Variants in HSPA4L observed in about 807,000 individuals in gnomAD.
HSPA4L encodes the protein heat shock protein family A (Hsp70) member 4 like.
Under a neutral mutation model 100.3 loss-of-function variants are expected in HSPA4L, and 48 were observed. That is an observed-to-expected ratio of 0.48 (90% confidence interval 0.38 to 0.61). HSPA4L has a LOEUF of 0.61. HSPA4L is among the 20% of genes least tolerant of loss of function. HSPA4L has a pLI of 0.00. For missense variants in HSPA4L, 886 were observed against 988.6 expected, an observed-to-expected ratio of 0.90 and a Z score of 1.39; for synonymous variants, 319 against 328.2, an observed-to-expected ratio of 0.97 and a Z score of 0.30.
Position 127,822,838 on chromosome 4 carries a change from G to A in HSPA4L, c.1882G>A (p.Val628Ile), listed in dbSNP as rs1397666283. 2 of 1,613,508 alleles carry A rather than the reference G, an allele frequency of 1.2e-6. No individual in the cohort carries two copies. Among genetic ancestry groups the A allele is most frequent in the East Asian group, 2.2e-5 (1 of 44,816 alleles). The change falls in exon 15 of 19, where the codon GTA becomes ATA. Residue 628 changes from valine to isoleucine, a missense_variant. Val to Ile is a conservative substitution (Grantham distance 29). Coordinates refer to ENST00000296464, the MANE Select transcript of HSPA4L (RefSeq NM_014278.4). The stretch of plus-strand genomic sequence containing the variant: ...TGCTAAGAATGCCGTTGAAGAATAT[G>A]TATATGATTTTAGAGACAGGCTGGG... ...NDAKNAVEEY[V>I]YDFRDRLGTV... is the part of the protein sequence containing the mutation.
chr4:127,802,789 G>A lies in HSPA4L; in HGVS notation c.664-840G>A, dbSNP rs532455231. 8.9e-4 allele frequency among the ~76,000 whole-genome samples: 136 copies of A among 152,114 alleles called. 1 individual carries two copies. Among genetic ancestry groups the A allele is most frequent in the African/African-American group, 3.0e-3 (124 of 41,490 alleles). ...TGGGTAATACTAGACTTCATGAGAG[G>A]TCTATACATGGATTCTCCATGCTAG... is the stretch of plus-strand genomic sequence containing the variant. On this transcript the variant is annotated intron_variant, in intron 6 of 18. Coordinates refer to ENST00000296464, the MANE Select transcript of HSPA4L (RefSeq NM_014278.4).
intron 16 of HSPA4L, 110 bp downstream of exon 16, chr4:127,823,734 A>C (rs1733874261): frequency 1.6e-6 from 1 of 635,826 alleles, no homozygotes; most frequent in East Asian, 2.8e-5. Flanking sequence ...AATTGAGAGG[A>C]AAATTGTATA....
chr4:127,808,842 G>A (rs766692919), intron 11 of HSPA4L, among the ~76,000 whole-genome samples: 3 of 152,100 alleles, frequency 2.0e-5, no homozygotes, highest in South Asian at 2.1e-4. Context: ...AGAATTGCTC[G>A]AACCCAGGAG....
chr4:127,783,421 G>T, intron 1 of HSPA4L: 2 of 1,174,350 alleles, frequency 1.7e-6, no homozygotes, highest in African/African-American at 1.6e-5. Context: ...CGGAGTCGGG[G>T]GCAGCTGTCC....
In HSPA4L at chr4:127,783,722, A is replaced by G. The variant is rs1578683518; in HGVS notation, c.107+1065A>G. 8.1e-6 allele frequency: 12 copies of G among 1,482,270 alleles called. No homozygotes were observed. The East Asian group carries it at 2.5e-4, about 30-fold the overall frequency. The allele number at this position is 1,482,270 out of a possible 1,614,324, so 91.8% of individuals were successfully genotyped here. A position where few individuals can be genotyped will look rare whatever the true frequency, so the allele number is the denominator to read the frequency against. On this transcript the variant is annotated intron_variant, in intron 1 of 18. Transcript: ENST00000296464. ...ATTTGACCGTTCTGAATGGTCCAAA[A>G]TATAATACCTTAACTATACTAAAAC... is the stretch of plus-strand genomic sequence containing the variant.
chr4:127,814,651 T>C (rs1202641944), intron 12 of HSPA4L, among the ~76,000 whole-genome samples: 1 of 152,074 alleles, frequency 6.6e-6, no homozygotes, highest in Admixed American at 6.6e-5. Context: ...CGTTGCAACC[T>C]CCACCTCCCA....
Position 127,834,219 on chromosome 4 carries a change from A to T in HSPA4L, c.*1345A>T, listed in dbSNP as rs955800290. ...AAGAGACAGAAGCATAGACAAGTAT[A>T]TGAGCCCTTATGTCCTTAATGCCAA... On this transcript the variant is annotated 3_prime_UTR_variant, in exon 19 of 19. Coordinates refer to ENST00000296464, the MANE Select transcript of HSPA4L (RefSeq NM_014278.4). 2.0e-5 allele frequency: 3 copies of T among 152,190 alleles called. No homozygotes were observed. The highest frequency in any genetic ancestry group is 7.2e-5 in the African/African-American group (3 of 41,482). 9.4% of individuals were successfully genotyped at this position (152,190 alleles called of 1,614,324 possible). A position where few individuals can be genotyped will look rare whatever the true frequency, so the allele number is the denominator to read the frequency against.
intron 11 of HSPA4L, among the ~76,000 whole-genome samples, chr4:127,810,476 G>A (rs948249200): frequency 1.3e-5 from 2 of 152,128 alleles, no homozygotes; most frequent in African/African-American, 2.4e-5. Flanking sequence ...ATACAGTCAC[G>A]TCTGAGCATG....
At chr4:127,809,245 G>A in intron 11 of HSPA4L, 2 of 1,396,342 alleles carry the variant, frequency 1.4e-6, no homozygotes, top group Non-Finnish European at 1.0e-6. Flanking sequence ...GAGAAAAGAA[G>A]ACTACTTATG....
At chr4:127,798,194 T>C (rs1733077182) in intron 3 of HSPA4L, among the ~76,000 whole-genome samples, 1 of 152,214 alleles carries the variant, frequency 6.6e-6, no homozygotes, top group Non-Finnish European at 1.5e-5. Flanking sequence ...ACTGTATGAC[T>C]GAAGCTTTTA....
chr4:127,831,073 G>A (rs560373419), intron 18 of HSPA4L, among the ~76,000 whole-genome samples: 10 of 152,076 alleles, frequency 6.6e-5, no homozygotes, highest in Non-Finnish European at 1.5e-4. Context: ...AGACTTATAG[G>A]TTGGATGAAA....
upstream of HSPA4L, chr4:127,782,292 G>T (rs1465821245): frequency 2.1e-6 from 1 of 477,062 alleles, no homozygotes; most frequent in Non-Finnish European, 3.8e-6. Context: ...GCAGGTCCCA[G>T]TAACCGCCGG....
intron 6 of HSPA4L, among the ~76,000 whole-genome samples, chr4:127,802,638 T>G (rs376637058): frequency 2.6e-5 from 4 of 152,316 alleles, no homozygotes; most frequent in Middle Eastern, 3.4e-3. Flanking sequence ...TTTTAGTAGG[T>G]AACTTTGTAG....
chr4:127,801,549 G>A (rs1257359109), intron 5 of HSPA4L, among the ~76,000 whole-genome samples: 1 of 150,010 alleles, frequency 6.7e-6, no homozygotes, highest in African/African-American at 2.5e-5. Flanking sequence ...CAACTTTTTG[G>A]CAGAGGTTAA....
intron 8 of HSPA4L, 66 bp downstream of exon 8, chr4:127,804,153 A>G: frequency 8.2e-7 from 1 of 1,212,274 alleles, no homozygotes; most frequent in Non-Finnish European, 1.2e-6. Flanking sequence ...GGGGTAGATA[A>G]TGATAAAATA....
intron 17 of HSPA4L, 134 bp from the exon 18 acceptor site, chr4:127,830,490 CTGTGTTATTCGTAT>C (rs1332451127): frequency 3.9e-6 from 2 of 518,236 alleles, no homozygotes; most frequent in Non-Finnish European, 6.5e-6. Context: ...CTCTTCAGTT[CTGTGTTATTCGTAT>C]GGGGTTTCTT....
chr4:127,805,121 C>T lies in HSPA4L; in HGVS notation c.1034C>T (p.Thr345Ile). The T allele has an allele frequency of 6.2e-7, 1 of 1,612,088 alleles. No homozygotes were observed. The highest frequency in any genetic ancestry group is 1.1e-5 in the South Asian group (1 of 90,902). Residue 345 changes from threonine (T) to isoleucine (I), a missense_variant, in exon 9 of 19, where the codon ACA becomes ATA. Physicochemically the swap from Thr to Ile is moderately conservative, Grantham distance 89. Coordinates refer to ENST00000296464, the MANE Select transcript of HSPA4L (RefSeq NM_014278.4). ...ISSIEIVGGA[T>I]RIPAVKEQIT... ...AGTATAGAAATTGTAGGAGGAGCAA[C>T]ACGAATTCCTGCAGTGAAAGAACAA...
At chr4:127,790,482 G>A (rs1244532475) in intron 1 of HSPA4L, among the ~76,000 whole-genome samples, 1 of 152,204 alleles carries the variant, frequency 6.6e-6, no homozygotes, top group Non-Finnish European at 1.5e-5. Flanking sequence ...TATAAGAGAT[G>A]TGAAGATGTC....
Position 127,833,722 on chromosome 4 carries a change from C to G in HSPA4L, c.*848C>G, listed in dbSNP as rs963910984. The G allele has an allele frequency of 2.0e-5, 3 of 152,088 alleles. No homozygotes were observed. Among genetic ancestry groups the G allele is most frequent in the African/African-American group, 7.2e-5 (3 of 41,434 alleles). 9.4% of individuals were successfully genotyped at this position (152,088 alleles called of 1,614,324 possible). A position where few individuals can be genotyped will look rare whatever the true frequency, so the allele number is the denominator to read the frequency against. On this transcript the variant is annotated 3_prime_UTR_variant, in exon 19 of 19. Transcript: ENST00000296464. ...GCCTTGTTTCAGTTATAATAGTTGT[C>G]TTGTTTTTTTCTTAATTGATTTTGT...
Sources: gnomAD v4.1 joint callset for allele counts (sites outside exome capture counted in the v4.1 genomes callset) on GRCh38, gnomAD v4.1.1 for gene constraint, MANE v1.5 for transcripts, NCBI Gene and HGNC (gene_info 2026-07-23, HGNC 2026-07-21) for gene names.